Variants in CELSR1 observed in about 807,000 individuals in gnomAD.
The protein encoded by CELSR1 is cadherin EGF LAG seven-pass G-type receptor 1.
CELSR1 carries 110 observed loss-of-function variants against 249.1 expected under a neutral mutation model. The observed-to-expected ratio is 0.44, with a 90% CI of 0.38 to 0.52. The LOEUF is 0.52. Among genes scored for constraint, CELSR1 ranks in the 20% least tolerant of loss-of-function variants. The probability of loss-of-function intolerance (pLI) is 0.00; values close to 1 mark genes in which losing one functional copy is unlikely to be tolerated. For missense variants in CELSR1, 4,109 were observed against 4,296.4 expected, an observed-to-expected ratio of 0.96 and a Z score of 1.22; for synonymous variants, 2,113 against 1,900.0, an observed-to-expected ratio of 1.11 and a Z score of -2.92.
intron 2 of CELSR1, chr22:46,462,773 ATG>A: frequency 3.2e-6 from 1 of 315,620 alleles, no homozygotes; most frequent in Non-Finnish European, 6.4e-6. Context: ...GATGCAGAGA[ATG>A]TGTGTTTCTG....
At chr22:46,529,858 A>T (rs919685157) in intron 1 of CELSR1, among the ~76,000 whole-genome samples, 10 of 152,198 alleles carry the variant, frequency 6.6e-5, no homozygotes, top group African/African-American at 2.4e-4. Flanking sequence ...ACTACAGTCA[A>T]TAATAATTTA....
In CELSR1 at chr22:46,437,339, C is replaced by CT. The variant is rs2079674643; in HGVS notation, c.4407-1051_4407-1050insA. ...TGGCTCCTGAGCTGGCTGGGTGTCT[C>CT]CACCATCAGAGATACACGGCAGGAA... On this transcript the variant is annotated intron_variant, in intron 3 of 34. Coordinates refer to ENST00000674500, the MANE Select transcript of CELSR1 (RefSeq NM_001378328.1). This position sits in a 1 kb window ranked among gnomAD's most constrained non-coding sequence, Gnocchi z 4.9. 6.6e-6 allele frequency among the ~76,000 whole-genome samples: 1 copy of CT among 152,212 alleles called. No individual in the cohort carries two copies. Among genetic ancestry groups the CT allele is most frequent in the Non-Finnish European group, 1.5e-5 (1 of 68,052 alleles).
At chr22:46,519,739 C>A (rs1263865314) in intron 1 of CELSR1, among the ~76,000 whole-genome samples, 1 of 152,192 alleles carries the variant, frequency 6.6e-6, no homozygotes, top group African/African-American at 2.4e-5. Flanking sequence ...AAACACGAAG[C>A]CTTCCTTGCA....
Position 46,536,215 on chromosome 22 carries a change from T to C in CELSR1, c.956A>G (p.His319Arg). ...SVLDRETKETHVLRVKAVDYS... is the reference protein window; with the variant it reads ...SVLDRETKETRVLRVKAVDYS... ...GTCCACGGCTTTCACCCTGAGGACGTGCGTCTCCTTGGTCTCGCGGTCCAG... is the reference window on the plus strand; with the variant it reads ...GTCCACGGCTTTCACCCTGAGGACGCGCGTCTCCTTGGTCTCGCGGTCCAG... Residue 319 changes from histidine to arginine, a missense_variant, in exon 1 of 35, where the codon CAC becomes CGC. This residue lies in a region of CELSR1 where 673 missense variants were observed against 636.8 expected (regional missense o/e 1.06). Transcript: ENST00000674500. The C allele has an allele frequency of 1.9e-6, 3 of 1,612,586 alleles. No homozygotes were observed. Among genetic ancestry groups the C allele is most frequent in the Non-Finnish European group, 8.5e-7 (1 of 1,179,958 alleles).
chr22:46,452,008 C>G (rs540377160), intron 2 of CELSR1, among the ~76,000 whole-genome samples: 1 of 152,246 alleles, frequency 6.6e-6, no homozygotes, highest in Admixed American at 6.5e-5. Context: ...CACCAGGCGC[C>G]GGGGAGGCAG....
At chr22:46,443,038 C>T (rs1242162373) in intron 2 of CELSR1, among the ~76,000 whole-genome samples, 4 of 151,648 alleles carry the variant, frequency 2.6e-5, no homozygotes, top group Non-Finnish European at 5.9e-5. Flanking sequence ...GCGGAGCTTG[C>T]AGTGAGCCGA....
In CELSR1 at chr22:46,534,019, A is replaced by T; in HGVS notation, c.3152T>A (p.Leu1051Gln). The T allele has an allele frequency of 6.2e-7, 1 of 1,613,708 alleles. No homozygotes were observed. Among genetic ancestry groups the T allele is most frequent in the African/African-American group, 1.3e-5 (1 of 75,056 alleles). The change falls in exon 1 of 35, where the codon CTG becomes CAG. Residue 1051 changes from leucine (L) to glutamine (Q), a missense_variant. Leu to Gln is a moderately radical substitution (Grantham distance 113). Transcript: ENST00000674500. This position sits in a 1 kb window ranked among gnomAD's most constrained non-coding sequence, Gnocchi z 9.7. ...GDMRHFFQLD[L>Q]LNGDLRAMVE... Reference sequence around the variant, plus strand: ...CATGGCACGCAGGTCCCCGTTGAGCAGGTCCAGCTGGAAGAAATGCCGCAT... The same window carrying T: ...CATGGCACGCAGGTCCCCGTTGAGCTGGTCCAGCTGGAAGAAATGCCGCAT...
intron 1 of CELSR1, among the ~76,000 whole-genome samples, chr22:46,504,465 G>A (rs1569206772): frequency 2.1e-5 from 3 of 139,864 alleles, no homozygotes; most frequent in African/African-American, 8.1e-5. Context: ...AGTGAGCTGA[G>A]ATTGCGCCAC....
rs1437960872 is a variant in CELSR1, at chr22:46,391,149, T to C, written c.6250+37A>G. ...GACTGGCTCCTCCCACAAGGACGCC[T>C]GCCTCAGTTCCCTACACACAGGCCA... is the stretch of plus-strand genomic sequence containing the variant. On this transcript the variant is annotated intron_variant, in intron 16 of 34. Coordinates refer to ENST00000674500, the MANE Select transcript of CELSR1 (RefSeq NM_001378328.1). The surrounding 1 kb of genome is among the most constrained non-coding windows in gnomAD (Gnocchi z 4.3). The C allele has an allele frequency of 1.4e-5, 21 of 1,544,570 alleles. No individual in the cohort carries two copies. Among genetic ancestry groups the C allele is most frequent in the Non-Finnish European group, 1.8e-5 (20 of 1,125,890 alleles).
At position 46,428,504 on chromosome 22, in the gene CELSR1, G is replaced by T. The variant is rs889334739; in HGVS notation, c.4611+4889C>A. Among the ~76,000 whole-genome samples, 1 of 152,202 alleles carries T rather than the reference G, an allele frequency of 6.6e-6. No individual in the cohort carries two copies. Among genetic ancestry groups the T allele is most frequent in the Admixed American group, 6.5e-5 (1 of 15,282 alleles). ...CAGGACTCCCGCTAGCTGAGCTCCC[G>T]TCTCACTAGCCCAGTGGTTCTCATC... On this transcript the variant is annotated intron_variant, in intron 5 of 34. Coordinates refer to ENST00000674500, the MANE Select transcript of CELSR1 (RefSeq NM_001378328.1). This position sits in a 1 kb window ranked among gnomAD's most constrained non-coding sequence, Gnocchi z 5.7.
rs950399343 is a variant in CELSR1, at chr22:46,434,218, C to T, written c.4523-737G>A. On this transcript the variant is annotated intron_variant, in intron 4 of 34. Transcript: ENST00000674500. This position sits in a 1 kb window ranked among gnomAD's most constrained non-coding sequence, Gnocchi z 4.9. ...ACGTCCCATCGTGAGGTCGCGGACG[C>T]GTCTCTTGTGCATCTCTGCTTTGGG... Among the ~76,000 whole-genome samples the T allele has an allele frequency of 1.3e-5, 2 of 152,250 alleles. No individual in the cohort carries two copies. The highest frequency in any genetic ancestry group is 1.9e-4 in the East Asian group (1 of 5,200).
intron 1 of CELSR1, among the ~76,000 whole-genome samples, chr22:46,505,535 T>C (rs1319085545): frequency 6.6e-6 from 1 of 151,806 alleles, no homozygotes; most frequent in Non-Finnish European, 1.5e-5. Context: ...GTGGGAGGAC[T>C]GCTTGAGCCT....
At chr22:46,369,108 C>T (rs761898773) in intron 27 of CELSR1, 71 bp downstream of exon 27, 54 of 1,511,532 alleles carry the variant, frequency 3.6e-5, no homozygotes, top group South Asian at 1.5e-4. Context: ...GGCCCCACCC[C>T]GCAGAGACTG....
At position 46,518,693 on chromosome 22, in the gene CELSR1, C is replaced by T. The variant is rs559702569; in HGVS notation, c.3544+14934G>A. Among the ~76,000 whole-genome samples, 3 of 152,180 alleles carry T rather than the reference C, an allele frequency of 2.0e-5. No individual in the cohort carries two copies. Among genetic ancestry groups the T allele is most frequent in the Admixed American group, 6.5e-5 (1 of 15,272 alleles). Reference sequence around the variant, plus strand: ...GCTGCGGTCTCTGCCTCCATCTTCACGTTGTGGCCTCCTCATTGTGTGTCT... The same window carrying T: ...GCTGCGGTCTCTGCCTCCATCTTCATGTTGTGGCCTCCTCATTGTGTGTCT... On this transcript the variant is annotated intron_variant, in intron 1 of 34. Transcript: ENST00000674500. This position sits in a 1 kb window ranked among gnomAD's most constrained non-coding sequence, Gnocchi z 5.2.
intron 1 of CELSR1, among the ~76,000 whole-genome samples, chr22:46,478,687 T>G (rs1168018745): frequency 6.6e-6 from 1 of 150,796 alleles, no homozygotes; most frequent in Non-Finnish European, 1.5e-5. Context: ...GGATTACAGG[T>G]GCGTGCCACC....
chr22:46,411,852 G>T lies in CELSR1; in HGVS notation c.4612-93C>A. 6.6e-7 allele frequency: 1 copy of T among 1,523,434 alleles called. No individual in the cohort carries two copies. The highest frequency in any genetic ancestry group is 9.0e-7 in the Non-Finnish European group (1 of 1,114,408). The allele number at this position is 1,523,434 out of a possible 1,614,324, so 94.4% of individuals were successfully genotyped here. A position where few individuals can be genotyped will look rare whatever the true frequency, so the allele number is the denominator to read the frequency against. On this transcript the variant is annotated intron_variant, in intron 5 of 34. Coordinates refer to ENST00000674500, the MANE Select transcript of CELSR1 (RefSeq NM_001378328.1). The surrounding 1 kb of genome is among the most constrained non-coding windows in gnomAD (Gnocchi z 4.2). ...TCACTCATAGAGCGAGGAGGACATG[G>T]CACAGGGTGGGCGGCACGTAGACAA...
chr22:46,535,350 C>T lies in CELSR1; in HGVS notation c.1821G>A (p.Thr607=), dbSNP rs35637956. The stretch of plus-strand genomic sequence containing the variant: ...TGCCGCCCCCCAGAAAGGTGGAGGC[C>T]GTGTCCACCAGGCGATAGTGCAGCC... ...NARLHYRLVD[T]ASTFLGGGSA... is the part of the protein sequence containing the mutation. Residue 607 remains threonine (T), a synonymous_variant, in exon 1 of 35, where the codon ACG becomes ACA. Coordinates refer to ENST00000674500, the MANE Select transcript of CELSR1 (RefSeq NM_001378328.1). 8.8e-3 allele frequency: 14,222 copies of T among 1,612,330 alleles called. 1,043 individuals carry two copies. The African/African-American group carries it at 0.16, about 18-fold the overall frequency.
chr22:46,479,578 T>C (rs1298781887), intron 1 of CELSR1, among the ~76,000 whole-genome samples: 1 of 130,740 alleles, frequency 7.6e-6, no homozygotes, highest in African/African-American at 2.9e-5. Context: ...GGGCCAGGGA[T>C]AGTGAGCTGA....
In CELSR1 at chr22:46,409,851, C is replaced by T; in HGVS notation, c.4963G>A (p.Gly1655Arg). 1 of 1,613,800 alleles carries T rather than the reference C, an allele frequency of 6.2e-7. No homozygotes were observed. ...GCAARRNFCDGRRCQNGGTCV... is the reference protein window; with the variant it reads ...GCAARRNFCDRRRCQNGGTCV... ...GTGCCTCCATTCTGACACCGCCTCC[C>T]ATCGCAGAAGTTCCTCCGAGCAGCG... The change falls in exon 8 of 35, where the codon GGG becomes AGG. Residue 1655 changes from glycine to arginine, a missense_variant. This residue lies in a region of CELSR1 where 453 missense variants were observed against 492.0 expected (regional missense o/e 0.92). Coordinates refer to ENST00000674500, the MANE Select transcript of CELSR1 (RefSeq NM_001378328.1). The surrounding 1 kb of genome is among the most constrained non-coding windows in gnomAD (Gnocchi z 9.8).
Sources: allele counts gnomAD v4.1 joint callset (sites outside exome capture counted in the v4.1 genomes callset), GRCh38; gene constraint gnomAD v4.1.1; regional missense constraint gnomAD v4.1.1; non-coding constraint Gnocchi (gnomAD v3.1); transcripts MANE v1.5; gene names NCBI Gene and HGNC (gene_info 2026-07-23, HGNC 2026-07-21).